Variants in CTPS2 observed in about 807,000 individuals in gnomAD.
The protein encoded by CTPS2 is CTP synthase II.
CTPS2 carries 19 observed loss-of-function variants against 46.8 expected under a neutral mutation model. That is an observed-to-expected ratio of 0.41 (90% CI 0.28 to 0.60). CTPS2 has a LOEUF of 0.60. Ranked by LOEUF, CTPS2 falls within the 20% of genes least tolerant of loss-of-function variation. CTPS2 has a pLI of 0.35. For missense variants in CTPS2, 286 were observed against 447.6 expected (o/e 0.64, Z 3.26); for synonymous variants, 151 against 165.2 (o/e 0.91, Z 0.66).
intron 11 of CTPS2, among the ~76,000 whole-genome samples, chrX:16,669,933 G>C (rs1921589830): frequency 9.0e-6 from 1 of 110,884 alleles, no homozygotes; most frequent in African/African-American, 3.3e-5. Context: ...CATTAAAAAG[G>C]CTCAACTCGG....
In CTPS2 at chrX:16,691,601, G is replaced by A. The variant is rs371894543; in HGVS notation, c.659C>T (p.Thr220Met). 8 of 1,208,258 alleles carry A rather than the reference G, an allele frequency of 6.6e-6. No homozygotes were observed. The highest frequency in any genetic ancestry group is 3.5e-5 in the African/African-American group (2 of 57,278). Reference protein sequence around the residue: ...SPDLIVCRSSTPIEMAVKEKI... With the variant: ...SPDLIVCRSSMPIEMAVKEKI... Reference sequence around the variant, plus strand: ...CTCCTTCACGGCCATCTCAATGGGCGTTGAACTTCGGCAGACAATCTGTCA... The same window carrying A: ...CTCCTTCACGGCCATCTCAATGGGCATTGAACTTCGGCAGACAATCTGTCA... Residue 220 changes from threonine to methionine, a missense_variant, in exon 7 of 19, where the codon ACG (threonine) becomes ATG (methionine). Coordinates refer to ENST00000359276, the MANE Select transcript of CTPS2 (RefSeq NM_175859.3).
chrX:16,601,047 T>C (rs897387628), intron 17 of CTPS2, among the ~76,000 whole-genome samples: 1 of 111,267 alleles, frequency 9.0e-6, no homozygotes, highest in Non-Finnish European at 1.9e-5. Context: ...TTGTCAATAG[T>C]GTCCCCACAG....
At chrX:16,688,120 G>A (rs909802601) in intron 8 of CTPS2, among the ~76,000 whole-genome samples, 4 of 111,448 alleles carry the variant, frequency 3.6e-5, no homozygotes, top group Non-Finnish European at 7.5e-5. Flanking sequence ...AAACAGGGCC[G>A]GGCGCGGTGG....
upstream of CTPS2, chrX:16,712,800 C>T (rs1391149397): frequency 1.8e-5 from 2 of 112,373 alleles, no homozygotes; most frequent in African/African-American, 6.5e-5. Context: ...CCGAGACCCT[C>T]GCTCGGGTCC....
chrX:16,674,125 T>TTTA (rs1922012509), intron 10 of CTPS2, among the ~76,000 whole-genome samples: 2 of 111,146 alleles, frequency 1.8e-5, no homozygotes, highest in Non-Finnish European at 3.8e-5. Flanking sequence ...ATTTTTTTTT[T>TTTA]TTTTGCCTAG....
intron 13 of CTPS2, chrX:16,654,467 T>C: frequency 8.3e-7 from 1 of 1,199,253 alleles, no homozygotes; most frequent in Non-Finnish European, 1.1e-6. Context: ...GAGAAGTTAG[T>C]TTTGAAGAAT....
intron 14 of CTPS2, among the ~76,000 whole-genome samples, chrX:16,629,056 G>A (rs1358811890): frequency 8.9e-6 from 1 of 112,236 alleles, no homozygotes; most frequent in Non-Finnish European, 1.9e-5. Flanking sequence ...GAGGCGTGGT[G>A]CGGGTAAGTA....
intron 17 of CTPS2, among the ~76,000 whole-genome samples, chrX:16,593,067 C>A (rs1681016785): frequency 9.0e-6 from 1 of 111,413 alleles, no homozygotes; most frequent in East Asian, 2.8e-4. Context: ...GATGATATTA[C>A]AAGGAAATGT....
chrX:16,672,666 G>A (rs1484390215), intron 10 of CTPS2, among the ~76,000 whole-genome samples: 1 of 110,785 alleles, frequency 9.0e-6, no homozygotes, highest in Non-Finnish European at 1.9e-5. Context: ...TTACAGCTTG[G>A]CCCCCAGGGC....
In CTPS2 at chrX:16,699,000, T is replaced by C; in HGVS notation, c.260A>G (p.Asn87Ser). ...CTGATATATCTTCCCCGTGGTGATA[T>C]TGTTGTCTTTATAAAGATTAATATC... ...FLDINLYKDN[N>S]ITTGKIYQHV... Residue 87 changes from asparagine (N) to serine (S), a missense_variant, in exon 3 of 19, where the codon AAT (asparagine) becomes AGT (serine). Physicochemically the swap from Asn to Ser is conservative, Grantham distance 46. Coordinates refer to ENST00000359276, the MANE Select transcript of CTPS2 (RefSeq NM_175859.3). 1 of 1,195,749 alleles carries C rather than the reference T, an allele frequency of 8.4e-7. No homozygotes were observed. The highest frequency in any genetic ancestry group is 1.1e-6 in the Non-Finnish European group (1 of 885,506).
intron 10 of CTPS2, among the ~76,000 whole-genome samples, chrX:16,676,639 C>T (rs540733751): frequency 8.9e-6 from 1 of 111,984 alleles, no homozygotes; most frequent in East Asian, 2.8e-4. Context: ...GTTTCAAGAA[C>T]TATGGTCTAA....
chrX:16,670,555 T>C lies in CTPS2; in HGVS notation c.1189+25A>G, dbSNP rs185275827. On this transcript the variant is annotated intron_variant, in intron 11 of 18. Coordinates refer to ENST00000359276, the MANE Select transcript of CTPS2 (RefSeq NM_175859.3). ...GTCAAAAATCTAATAAACTCATAGT[T>C]AGGGTCAATAAACATGAGTTTTACC... 5.6e-4 allele frequency: 619 copies of C among 1,114,093 alleles called. 1 individual carries two copies. The highest frequency in any genetic ancestry group is 5.1e-4 in the Non-Finnish European group (413 of 814,802). 91.8% of individuals were successfully genotyped at this position (1,114,093 alleles called of 1,213,427 possible).
At chrX:16,674,257 G>C (rs1258134368) in intron 10 of CTPS2, among the ~76,000 whole-genome samples, 2 of 110,750 alleles carry the variant, frequency 1.8e-5, no homozygotes, top group African/African-American at 3.3e-5. Context: ...TTCACCTCGT[G>C]GGTTCAAACG....
At chrX:16,708,688 G>T (rs1177963911) in intron 1 of CTPS2, among the ~76,000 whole-genome samples, 3 of 111,018 alleles carry the variant, frequency 2.7e-5, no homozygotes, top group Non-Finnish European at 5.7e-5. Flanking sequence ...GGATTAAGGG[G>T]CAAATAAACT....
chrX:16,643,767 C>T (rs993913877), intron 13 of CTPS2, among the ~76,000 whole-genome samples: 1 of 110,986 alleles, frequency 9.0e-6, no homozygotes, highest in Admixed American at 9.6e-5. Context: ...TAGCCATGCC[C>T]TCCTCATGTA....
At chrX:16,654,956 C>A (rs756123007) in intron 13 of CTPS2, among the ~76,000 whole-genome samples, 4 of 110,931 alleles carry the variant, frequency 3.6e-5, no homozygotes, top group Non-Finnish European at 7.6e-5. Context: ...GTGATCCTGC[C>A]GAAAACTACA....
chrX:16,638,873 AAAC>A (rs1931899038), intron 14 of CTPS2: 1 of 470,641 alleles, frequency 2.1e-6, no homozygotes, highest in East Asian at 4.7e-5. Flanking sequence ...GTAACTCACA[AAAC>A]AGCCCAATGA....
intron 11 of CTPS2, among the ~76,000 whole-genome samples, chrX:16,670,370 T>C (rs748429597): frequency 8.9e-6 from 1 of 112,290 alleles, no homozygotes; most frequent in Non-Finnish European, 1.9e-5. Flanking sequence ...AACAAATTGG[T>C]GTGGCTGTGT....
At chrX:16,710,314 C>T (rs1925378328) in intron 1 of CTPS2, among the ~76,000 whole-genome samples, 1 of 112,061 alleles carries the variant, frequency 8.9e-6, no homozygotes, top group Non-Finnish European at 1.9e-5. Context: ...TTCATGGACT[C>T]CAAGCATAAA....
Sources: allele counts gnomAD v4.1 joint callset (sites outside exome capture counted in the v4.1 genomes callset), GRCh38; gene constraint gnomAD v4.1.1; transcripts MANE v1.5; gene names NCBI Gene and HGNC (gene_info 2026-07-23, HGNC 2026-07-21).